The following GNPTAB variants were observed in gnomAD, a reference collection of about 807,000 sequenced individuals.
GNPTAB encodes the protein N-acetylglucosamine-1-phosphotransferase subunits alpha/beta.
A neutral mutation model predicts 136.6 loss-of-function variants in GNPTAB; 92 were observed. That is an observed-to-expected ratio of 0.67 (90% CI 0.57 to 0.80). The LOEUF is 0.80. Among genes scored for constraint, GNPTAB ranks in the 30% least tolerant of loss-of-function variants. The pLI is 0.00. For synonymous variants in GNPTAB, 512 were observed against 535.1 expected, an observed-to-expected ratio of 0.96 and a Z score of 0.60; for missense variants, 1,343 against 1,501.8, an observed-to-expected ratio of 0.89 and a Z score of 1.75.
At chr12:101,780,747 A>C (rs1953330279) in intron 5 of GNPTAB, 126 bp from the exon 6 acceptor site, 1 of 720,654 alleles carries the variant, frequency 1.4e-6, no homozygotes, top group African/African-American at 1.8e-5. Context: ...AAAAAAAGGA[A>C]GCTGAAGGAG....
intron 1 of GNPTAB, among the ~76,000 whole-genome samples, chr12:101,808,675 G>A (rs1870068161): frequency 6.6e-6 from 1 of 152,240 alleles, no homozygotes; most frequent in Non-Finnish European, 1.5e-5. Context: ...GGCCAGGTGT[G>A]GTGGCTCATG....
chr12:101,783,691 G>A (rs1470168264), intron 5 of GNPTAB, among the ~76,000 whole-genome samples: 1 of 151,700 alleles, frequency 6.6e-6, no homozygotes, highest in African/African-American at 2.4e-5. Flanking sequence ...ACTTGGAAAG[G>A]TTAACATTTC....
At chr12:101,773,386 G>T in intron 7 of GNPTAB, 1 of 289,792 alleles carries the variant, frequency 3.5e-6, no homozygotes, top group Non-Finnish European at 6.8e-6. Context: ...ACATTTTCAC[G>T]AAGTCCCGAA....
At chr12:101,801,454 C>T (rs960999743) in intron 1 of GNPTAB, among the ~76,000 whole-genome samples, 5 of 137,044 alleles carry the variant, frequency 3.6e-5, no homozygotes, top group African/African-American at 1.1e-4. Context: ...GCGGCAGAAT[C>T]GCTTGAGCCT....
chr12:101,770,564 A>C lies in GNPTAB; in HGVS notation c.955T>G (p.Ser319Ala). ...TCGTTATCTTCAAAACGACTGGCAG[A>C]GATGTCTTCATCCTGCTTAGACTGA... is the stretch of plus-strand genomic sequence containing the variant. ...ISQSKQDEDI[S>A]ASRFEDNEEL... The change falls in exon 9 of 21, where the codon TCT becomes GCT. Residue 319 changes from serine (S) to alanine (A), a missense_variant. Ser to Ala is a moderately conservative substitution (Grantham distance 99). Transcript: ENST00000299314. 1 of 1,612,938 alleles carries C rather than the reference A, an allele frequency of 6.2e-7. No individual in the cohort carries two copies. Among genetic ancestry groups the C allele is most frequent in the Non-Finnish European group, 8.5e-7 (1 of 1,178,920 alleles).
At chr12:101,812,991 T>C (rs1196972173) in intron 1 of GNPTAB, among the ~76,000 whole-genome samples, 1 of 151,576 alleles carries the variant, frequency 6.6e-6, no homozygotes, top group Non-Finnish European at 1.5e-5. Context: ...TGTGTGTTTT[T>C]TTTTTTTTTG....
chr12:101,809,419 C>G (rs2137172963), intron 1 of GNPTAB, among the ~76,000 whole-genome samples: 1 of 152,284 alleles, frequency 6.6e-6, no homozygotes, highest in South Asian at 2.1e-4. Flanking sequence ...AGTCATGCTC[C>G]TAAGTATTTA....
chr12:101,771,136 T>C lies in GNPTAB; in HGVS notation c.793A>G (p.Ser265Gly), dbSNP rs779150416. 25 of 1,613,842 alleles carry C rather than the reference T, an allele frequency of 1.5e-5. No homozygotes were observed. The Admixed American group carries it at 2.7e-4, about 17-fold the overall frequency. The change falls in exon 8 of 21, where the codon AGT (serine) becomes GGT (glycine). Residue 265 changes from serine to glycine, a missense_variant. Transcript: ENST00000299314. ...TTATTCAGTTTTAGAAGCGCTACACTGGCCTCTGAATACAACTGCAACTAT... is the reference window on the plus strand; with the variant it reads ...TTATTCAGTTTTAGAAGCGCTACACCGGCCTCTGAATACAACTGCAACTAT... ...VKLLQLYSEA[S>G]VALLKLNNPK...
intron 7 of GNPTAB, among the ~76,000 whole-genome samples, chr12:101,774,426 A>C (rs1953230239): frequency 1.3e-5 from 2 of 152,234 alleles, no homozygotes; most frequent in South Asian, 2.1e-4. Context: ...ACCAGATTTC[A>C]AGTGCTTGAT....
At position 101,764,644 on chromosome 12, in the gene GNPTAB, G is replaced by C. The variant is rs780110962; in HGVS notation, c.2273C>G (p.Thr758Arg). 1 of 1,613,750 alleles carries C rather than the reference G, an allele frequency of 6.2e-7. No individual in the cohort carries two copies. Among genetic ancestry groups the C allele is most frequent in the Non-Finnish European group, 8.5e-7 (1 of 1,179,930 alleles). Residue 758 changes from threonine (T) to arginine (R), a missense_variant, in exon 13 of 21, where the codon ACA becomes AGA. Thr to Arg is a moderately conservative substitution (Grantham distance 71, BLOSUM62 -1). Coordinates refer to ENST00000299314, the MANE Select transcript of GNPTAB (RefSeq NM_024312.5). ...IKNQAIITDETNDSLVAPQEK... is the reference protein window; with the variant it reads ...IKNQAIITDERNDSLVAPQEK... ...CTGTGGAGCCACCAAACTGTCATTT[G>C]TTTCATCTGTTATTATAGCTTGATT...
At chr12:101,810,466 C>T (rs10778151) in intron 1 of GNPTAB, 55,783 of 140,854 alleles carry the variant, frequency 0.4, 12,349 homozygotes, top group East Asian at 0.73. Flanking sequence ...CACACACACA[C>T]ACATATATAT....
chr12:101,804,851 C>T (rs1021414057), intron 1 of GNPTAB, among the ~76,000 whole-genome samples: 1 of 152,206 alleles, frequency 6.6e-6, no homozygotes, highest in Non-Finnish European at 1.5e-5. Context: ...GACAAGTCAA[C>T]TTAACCCTAA....
chr12:101,790,174 C>T (rs1566087610), intron 2 of GNPTAB, 117 bp from the exon 3 acceptor site: 1 of 1,351,502 alleles, frequency 7.4e-7, no homozygotes, highest in Non-Finnish European at 1.1e-6. Flanking sequence ...AGAAGTAATC[C>T]AACCATGACA....
chr12:101,825,262 T>G (rs1057453944), intron 1 of GNPTAB, among the ~76,000 whole-genome samples: 1 of 152,214 alleles, frequency 6.6e-6, no homozygotes, highest in Non-Finnish European at 1.5e-5. Flanking sequence ...CACTGTATAT[T>G]CTGACGACAG....
intron 3 of GNPTAB, 58 bp downstream of exon 3, chr12:101,789,880 C>G: frequency 6.6e-7 from 1 of 1,506,214 alleles, no homozygotes; most frequent in Non-Finnish European, 9.2e-7. Flanking sequence ...GTGCCACCCT[C>G]AGACCTTATT....
chr12:101,790,403 T>C (rs553787123), intron 2 of GNPTAB, among the ~76,000 whole-genome samples: 2 of 152,332 alleles, frequency 1.3e-5, no homozygotes, highest in South Asian at 2.1e-4. Flanking sequence ...CCTGTTCTCA[T>C]AATTTAGCAA....
At chr12:101,782,264 C>T (rs1241547321) in intron 5 of GNPTAB, among the ~76,000 whole-genome samples, 1 of 152,010 alleles carries the variant, frequency 6.6e-6, no homozygotes, top group Non-Finnish European at 1.5e-5. Context: ...ACTACACAAG[C>T]ATACACTAAA....
chr12:101,801,664 C>A (rs1268798889), intron 1 of GNPTAB, among the ~76,000 whole-genome samples: 1 of 150,612 alleles, frequency 6.6e-6, no homozygotes, highest in Non-Finnish European at 1.5e-5. Flanking sequence ...CTTCTCTATT[C>A]TCCTCTCTTT....
In GNPTAB at chr12:101,780,846, TA is replaced by T. The variant is rs147156685; in HGVS notation, c.572-226del. On this transcript the variant is annotated intron_variant, in intron 5 of 20. Transcript: ENST00000299314. The stretch of plus-strand genomic sequence containing the variant: ...TTCACAATACCAAAGGTGATTGACA[TA>T]AAGGGAATTCTTCATGGGAGCAGTC... 6.7e-3 allele frequency among the ~76,000 whole-genome samples: 1,016 copies of T among 152,280 alleles called. 8 individuals are homozygous for T. Among genetic ancestry groups the T allele is most frequent in the Non-Finnish European group, 0.011 (746 of 68,020 alleles).
Sources: gnomAD v4.1 joint callset for allele counts (sites outside exome capture counted in the v4.1 genomes callset) on GRCh38, gnomAD v4.1.1 for gene constraint, MANE v1.5 for transcripts, NCBI Gene and HGNC (gene_info 2026-07-23, HGNC 2026-07-21) for gene names.